The following CCNG1 variants were observed in gnomAD, a reference collection of about 807,000 sequenced individuals.
CCNG1 encodes cyclin G1, also known as cyclin-G1.
CCNG1 carries 13 observed loss-of-function variants against 30.0 expected under a neutral mutation model. The ratio of observed to expected loss-of-function variants is 0.43; its 90% CI spans 0.28 to 0.69. CCNG1 has a LOEUF of 0.69. CCNG1 is among the 30% of genes least tolerant of loss of function. CCNG1 has a pLI of 0.16. For missense variants in CCNG1, 285 were observed against 331.4 expected (o/e 0.86, Z 1.09); for synonymous variants, 110 against 121.5 (o/e 0.91, Z 0.62).
downstream of CCNG1, chr5:163,450,295 G>C (rs911251056): frequency 2.0e-5 from 3 of 151,984 alleles, no homozygotes; most frequent in Non-Finnish European, 2.9e-5. Flanking sequence ...TCATGACCTG[G>C]GGTTAAGGTT....
In CCNG1 at chr5:163,442,080, G is replaced by A. The variant is rs150463575; in HGVS notation, c.633G>A (p.Glu211=). The A allele has an allele frequency of 1.9e-6, 3 of 1,612,748 alleles. No homozygotes were observed. The highest frequency in any genetic ancestry group is 2.2e-5 in the East Asian group (1 of 44,758). Residue 211 remains glutamate, a synonymous_variant, in exon 5 of 7, where the codon GAG becomes GAA. Transcript: ENST00000340828. ...SVLALSIIAL[E]IQAQKCVELT... is the part of the protein sequence containing the mutation. The stretch of plus-strand genomic sequence containing the variant: ...TGGCATTGTCTATCATTGCATTAGA[G>A]ATCCAAGCACAGAAGTGTGTAGAGT...
Position 163,443,762 on chromosome 5 carries a change from T to C in CCNG1, c.*92T>C, listed in dbSNP as rs191618240. The C allele has an allele frequency of 7.0e-5, 102 of 1,449,518 alleles. No homozygotes were observed. The East Asian group carries it at 2.5e-3, about 36-fold the overall frequency. The allele number at this position is 1,449,518 out of a possible 1,614,324, so 89.8% of individuals were successfully genotyped here. A position where few individuals can be genotyped will look rare whatever the true frequency, so the allele number is the denominator to read the frequency against. ...ATAATGTTACAATGGATTTAAGCTATGAAGCCTCAAAACATCACGAGATAA... is the reference window on the plus strand; with the variant it reads ...ATAATGTTACAATGGATTTAAGCTACGAAGCCTCAAAACATCACGAGATAA... On this transcript the variant is annotated 3_prime_UTR_variant, in exon 7 of 7. Transcript: ENST00000340828.
Position 163,443,866 on chromosome 5 carries a change from GAAGCATTCA to G in CCNG1, c.*199_*207del. On this transcript the variant is annotated 3_prime_UTR_variant, in exon 7 of 7. Coordinates refer to ENST00000340828, the MANE Select transcript of CCNG1 (RefSeq NM_004060.4). ...TATGTTTAGATTTGAATTCATCTGTGAAGCATTCAAATCAAAGCTAAAAGCCTAAATGTG... is the reference window on the plus strand; with the variant it reads ...TATGTTTAGATTTGAATTCATCTGTGAATCAAAGCTAAAAGCCTAAATGTG... 1 of 559,852 alleles carries G rather than the reference GAAGCATTCA, an allele frequency of 1.8e-6. No homozygotes were observed. 34.7% of individuals were successfully genotyped at this position (559,852 alleles called of 1,614,324 possible).
intron 1 of CCNG1, 89 bp downstream of exon 1, chr5:163,437,893 C>T (rs1757569083): frequency 6.6e-6 from 1 of 152,216 alleles, no homozygotes; most frequent in African/African-American, 2.4e-5. Context: ...TGGCCCGCGC[C>T]CTTTTCCACA....
At position 163,442,398 on chromosome 5, in the gene CCNG1, T is replaced by C; in HGVS notation, c.721T>C (p.Trp241Arg). ...SKINGRDLTF[W>R]QELVSKCLTE... The stretch of plus-strand genomic sequence containing the variant: ...GATAAATGGCAGAGATCTGACCTTC[T>C]GGCAAGAGCTTGTATCCAAATGTTT... The change falls in exon 6 of 7, where the codon TGG (tryptophan) becomes CGG (arginine). Residue 241 changes from tryptophan to arginine, a missense_variant. Physicochemically the swap from Trp to Arg is moderately radical, Grantham distance 101 (BLOSUM62 -3). Transcript: ENST00000340828. 1 of 1,612,922 alleles carries C rather than the reference T, an allele frequency of 6.2e-7. No individual in the cohort carries two copies. Among genetic ancestry groups the C allele is most frequent in the African/African-American group, 1.3e-5 (1 of 75,016 alleles).
chr5:163,453,490 C>T, the CCNG1 span: 1 of 152,652 alleles, frequency 6.6e-6, no homozygotes, highest in South Asian at 2.1e-4. Flanking sequence ...ACTTAAAATA[C>T]ATTTATGGAC....
At chr5:163,443,623 C>T (rs2113378770) in intron 6 of CCNG1, 51 bp from the exon 7 acceptor site, 1 of 943,748 alleles carries the variant, frequency 1.1e-6, no homozygotes, top group Non-Finnish European at 1.6e-6. Flanking sequence ...AGTATTTAGG[C>T]AGACTGGCTT....
chr5:163,446,012 G>A (rs1483790557), downstream of CCNG1: 1 of 152,014 alleles, frequency 6.6e-6, no homozygotes, highest in Non-Finnish European at 1.5e-5. Context: ...TAGCCTGCTT[G>A]GATCAATTGT....
chr5:163,439,632 A>C (rs1757706151), intron 2 of CCNG1, 112 bp downstream of exon 2: 2 of 847,218 alleles, frequency 2.4e-6, no homozygotes, highest in South Asian at 3.4e-5. Context: ...GCACGTAGCC[A>C]AAACATTAAT....
intron 6 of CCNG1, 63 bp from the exon 7 acceptor site, chr5:163,443,608 TTAG>T (rs1306602977): frequency 9.0e-6 from 7 of 778,950 alleles, no homozygotes; most frequent in Non-Finnish European, 1.5e-5. Context: ...TTCAATTTTC[TTAG>T]TAGTATTTAG....
chr5:163,453,627 AATTTTCCCCAAAGGCACCCTTC>A, the CCNG1 span: 1 of 163,344 alleles, frequency 6.1e-6, no homozygotes, highest in Non-Finnish European at 1.3e-5. Flanking sequence ...AGAAAAAGTT[AATTTTCCCCAAAGGCACCCTTC>A]ATTTCACATG....
downstream of CCNG1, among the ~76,000 whole-genome samples, chr5:163,446,372 AAGAG>A (rs537691004): frequency 1.2e-4 from 19 of 152,314 alleles, no homozygotes; most frequent in South Asian, 6.2e-4. Flanking sequence ...TTGCAAATGA[AAGAG>A]AGACAGAGAA....
the CCNG1 span, among the ~76,000 whole-genome samples, chr5:163,456,624 C>G: frequency 6.6e-6 from 1 of 152,084 alleles, no homozygotes; most frequent in African/African-American, 2.4e-5. Context: ...GGGCCTTTCA[C>G]TTTTTACACT....
intron 6 of CCNG1, among the ~76,000 whole-genome samples, chr5:163,443,459 A>G (rs1468796033): frequency 6.6e-6 from 1 of 152,258 alleles, no homozygotes; most frequent in African/African-American, 2.4e-5. Context: ...TGCATAAAAA[A>G]TGTAAACTTG....
intron 1 of CCNG1, among the ~76,000 whole-genome samples, chr5:163,438,774 T>G (rs1757630637): frequency 6.6e-6 from 1 of 152,148 alleles, no homozygotes; most frequent in Non-Finnish European, 1.5e-5. Context: ...ACGCCTGTAA[T>G]CCCGGCACTT....
At chr5:163,456,779 A>G in the CCNG1 span, 859 of 619,746 alleles carry the variant, frequency 1.4e-3, 4 homozygotes, top group African/African-American at 0.014. Context: ...TCCATACAAG[A>G]AAGGCCATTT....
chr5:163,451,072 G>A (rs1758164615), downstream of CCNG1: 1 of 152,202 alleles, frequency 6.6e-6, no homozygotes, highest in South Asian at 2.1e-4. Flanking sequence ...TACATGAAAT[G>A]TCCAGAATAA....
At chr5:163,456,660 T>C in the CCNG1 span, among the ~76,000 whole-genome samples, 1 of 152,216 alleles carries the variant, frequency 6.6e-6, no homozygotes, top group Non-Finnish European at 1.5e-5. Flanking sequence ...GATTCAACTA[T>C]AGTAAGAGTT....
At chr5:163,454,864 C>A in the CCNG1 span, among the ~76,000 whole-genome samples, 33 of 152,112 alleles carry the variant, frequency 2.2e-4, 1 homozygote, top group South Asian at 6.2e-4. Context: ...AACAAAAATC[C>A]CTGCTCTAGT....
Sources: allele counts gnomAD v4.1 joint callset (sites outside exome capture counted in the v4.1 genomes callset), GRCh38; gene constraint gnomAD v4.1.1; transcripts MANE v1.5; gene names NCBI Gene and HGNC (gene_info 2026-07-23, HGNC 2026-07-21).